ERBB4: variants seen among roughly 807,000 people sequenced by gnomAD.
ERBB4 encodes the protein receptor tyrosine-protein kinase erbB-4.
In ERBB4, 42 loss-of-function variants were observed where a neutral mutation model predicts 158.0. That is an observed-to-expected ratio of 0.27 (90% CI 0.21 to 0.34). ERBB4 has a LOEUF of 0.34. Ranked by LOEUF, ERBB4 falls within the 10% of genes least tolerant of loss-of-function variation. The pLI is 1.00. For synonymous variants in ERBB4, 583 were observed against 558.7 expected (o/e 1.04, Z -0.61); for missense variants, 1,333 against 1,624.1 (o/e 0.82, Z 3.08).
intron 1 of ERBB4, among the ~76,000 whole-genome samples, chr2:212,479,926 A>T (rs1395975134): frequency 6.6e-6 from 1 of 152,126 alleles, no homozygotes; most frequent in Non-Finnish European, 1.5e-5. Flanking sequence ...AAAATCTCCA[A>T]TGTACATTCC....
In ERBB4 at chr2:211,818,281, G is replaced by A. The variant is rs760889826; in HGVS notation, c.422-30122C>T. ...CACCATGCTGGACAAAACACTTCTA[G>A]AGCCTGTTGGTGCAGAAGTTGTGGT... On this transcript the variant is annotated intron_variant, in intron 3 of 27. Transcript: ENST00000342788. 9.9e-5 allele frequency among the ~76,000 whole-genome samples: 15 copies of A among 152,236 alleles called. No individual in the cohort carries two copies. In the South Asian group the frequency reaches 1.0e-3, roughly 11 times the overall value.
At chr2:211,657,078 T>A (rs553394332) in intron 16 of ERBB4, among the ~76,000 whole-genome samples, 1 of 152,108 alleles carries the variant, frequency 6.6e-6, no homozygotes, top group South Asian at 2.1e-4. Flanking sequence ...AAATCAGAAA[T>A]TGAATTAAAT....
intron 1 of ERBB4, among the ~76,000 whole-genome samples, chr2:212,254,307 A>C (rs1326033888): frequency 6.6e-6 from 1 of 152,208 alleles, no homozygotes; most frequent in Admixed American, 6.5e-5. Context: ...CTCACTAAAT[A>C]ACAAAACCAA....
intron 1 of ERBB4, among the ~76,000 whole-genome samples, chr2:212,472,840 A>G (rs573239949): frequency 3.3e-5 from 5 of 152,052 alleles, no homozygotes; most frequent in African/African-American, 1.2e-4. Flanking sequence ...AGTAATACTG[A>G]GCTATATGAT....
At chr2:212,199,917 G>GACA (rs1159433828) in intron 1 of ERBB4, among the ~76,000 whole-genome samples, 2 of 152,120 alleles carry the variant, frequency 1.3e-5, no homozygotes, top group Non-Finnish European at 2.9e-5. Flanking sequence ...GATATTAGTG[G>GACA]ACAACAAGCA....
At chr2:211,654,979 G>C (rs2071156484) in intron 16 of ERBB4, among the ~76,000 whole-genome samples, 1 of 152,136 alleles carries the variant, frequency 6.6e-6, no homozygotes, top group Non-Finnish European at 1.5e-5. Context: ...CAAAAGGATT[G>C]AGAATTCCAA....
At chr2:211,994,402 G>C (rs756968301) in intron 2 of ERBB4, among the ~76,000 whole-genome samples, 1 of 152,068 alleles carries the variant, frequency 6.6e-6, no homozygotes, top group Non-Finnish European at 1.5e-5. Flanking sequence ...CAAAGCATTA[G>C]GATCACAGGC....
At chr2:211,939,957 G>GAAAAAA (rs60601231) in intron 3 of ERBB4, among the ~76,000 whole-genome samples, 14 of 138,454 alleles carry the variant, frequency 1.0e-4, no homozygotes, top group Admixed American at 3.7e-4. Flanking sequence ...AAAAAAAAAG[G>GAAAAAA]AAAAAAAAAA....
intron 1 of ERBB4, among the ~76,000 whole-genome samples, chr2:212,508,930 G>A (rs1381518179): frequency 1.3e-5 from 2 of 151,920 alleles, no homozygotes; most frequent in Middle Eastern, 3.2e-3. Context: ...ATACTTTCAT[G>A]TCTGCCAAAA....
rs375737156 is a variant in ERBB4 at position 211,397,334 on chromosome 2, G to A, written c.3136-9342C>T. Among the ~76,000 whole-genome samples the A allele has an allele frequency of 1.9e-4, 29 of 152,064 alleles. No homozygotes were observed. The East Asian group carries it at 5.2e-3, about 27-fold the overall frequency. ...ATACTTCTTAGTTTTCCATTTACACGGTTGCTGCCAAAGTCAACCCAGATT... is the reference window on the plus strand; with the variant it reads ...ATACTTCTTAGTTTTCCATTTACACAGTTGCTGCCAAAGTCAACCCAGATT... On this transcript the variant is annotated intron_variant, in intron 25 of 27. Coordinates refer to ENST00000342788, the MANE Select transcript of ERBB4 (RefSeq NM_005235.3).
At chr2:212,285,863 A>G (rs1408155479) in intron 1 of ERBB4, among the ~76,000 whole-genome samples, 3 of 152,146 alleles carry the variant, frequency 2.0e-5, no homozygotes, top group African/African-American at 7.2e-5. Flanking sequence ...AAAAATACCC[A>G]GTAATAGATA....
chr2:212,254,777 T>C (rs1435362130), intron 1 of ERBB4, among the ~76,000 whole-genome samples: 1 of 152,078 alleles, frequency 6.6e-6, no homozygotes, highest in African/African-American at 2.4e-5. Flanking sequence ...TAAAAGAGGA[T>C]AAGGGACATG....
intron 1 of ERBB4, among the ~76,000 whole-genome samples, chr2:212,321,819 CTT>C (rs1430785248): frequency 6.6e-6 from 1 of 150,432 alleles, no homozygotes; most frequent in African/African-American, 2.4e-5. Flanking sequence ...TGCACAGTGA[CTT>C]AGATGTCTCG....
intron 1 of ERBB4, among the ~76,000 whole-genome samples, chr2:212,222,318 C>T (rs1416553423): frequency 2.0e-5 from 3 of 151,430 alleles, no homozygotes; most frequent in Non-Finnish European, 4.4e-5. Context: ...TCAATATATT[C>T]TGCTTCCTTA....
chr2:212,054,869 G>A lies in ERBB4; in HGVS notation c.234+69883C>T, dbSNP rs571776484. 2.6e-4 allele frequency among the ~76,000 whole-genome samples: 40 copies of A among 152,302 alleles called. No homozygotes were observed. The East Asian group carries it at 3.9e-3, about 15-fold the overall frequency. Reference sequence around the variant, plus strand: ...ACAGCTTGAGTCTACAGCTCCCAGCGTGAGCAATGCAGAAGATGGGTGATT... The same window carrying A: ...ACAGCTTGAGTCTACAGCTCCCAGCATGAGCAATGCAGAAGATGGGTGATT... On this transcript the variant is annotated intron_variant, in intron 2 of 27. Transcript: ENST00000342788.
At chr2:211,948,245 G>A (rs185077618) in intron 2 of ERBB4, among the ~76,000 whole-genome samples, 1 of 151,934 alleles carries the variant, frequency 6.6e-6, no homozygotes, top group Admixed American at 6.6e-5. Context: ...GACCATTCTG[G>A]CCAACATGGT....
chr2:211,698,892 A>C (rs1230580331), intron 12 of ERBB4, among the ~76,000 whole-genome samples: 1 of 152,218 alleles, frequency 6.6e-6, no homozygotes, highest in Non-Finnish European at 1.5e-5. Flanking sequence ...ATAGATGCCC[A>C]AAATATTCTA....
intron 1 of ERBB4, among the ~76,000 whole-genome samples, chr2:212,419,843 T>C (rs1482800409): frequency 6.6e-6 from 1 of 151,976 alleles, no homozygotes; most frequent in East Asian, 1.9e-4. Context: ...TCTGAGATTC[T>C]TTAAACCTTC....
chr2:211,770,500 CA>C (rs2075663830), intron 4 of ERBB4, among the ~76,000 whole-genome samples: 1 of 152,152 alleles, frequency 6.6e-6, no homozygotes, highest in African/African-American at 2.4e-5. Context: ...AAACCTTTCT[CA>C]TATCAGTGAC....
Sources: gnomAD v4.1 joint callset for allele counts (sites outside exome capture counted in the v4.1 genomes callset) on GRCh38, gnomAD v4.1.1 for gene constraint, MANE v1.5 for transcripts, NCBI Gene and HGNC (gene_info 2026-07-23, HGNC 2026-07-21) for gene names.